Variants in SUPV3L1 observed in about 807,000 individuals in gnomAD.
The protein encoded by SUPV3L1 is ATP-dependent RNA helicase SUPV3L1, mitochondrial.
SUPV3L1 carries 35 observed loss-of-function variants against 70.0 expected under a neutral mutation model. That is an observed-to-expected ratio of 0.50 (90% CI 0.38 to 0.66). SUPV3L1 has a LOEUF of 0.66. Ranked by LOEUF, SUPV3L1 falls within the 30% of genes least tolerant of loss-of-function variation. The probability of loss-of-function intolerance (pLI) is 0.00; values close to 1 mark genes in which losing one functional copy is unlikely to be tolerated. For missense variants in SUPV3L1, 777 were observed against 961.5 expected, an observed-to-expected ratio of 0.81 and a Z score of 2.54; for synonymous variants, 364 against 341.9, an observed-to-expected ratio of 1.06 and a Z score of -0.71.
chr10:69,186,116 G>A (rs1842221431), intron 2 of SUPV3L1, 52 bp downstream of exon 2: 1 of 1,516,948 alleles, frequency 6.6e-7, no homozygotes, highest in Non-Finnish European at 9.1e-7. Flanking sequence ...TTACGGTACA[G>A]CTTGGTCAGG....
At chr10:69,187,554 C>A in intron 3 of SUPV3L1, 88 bp from the exon 4 acceptor site, 1 of 953,162 alleles carries the variant, frequency 1.0e-6, no homozygotes, top group Non-Finnish European at 1.6e-6. Context: ...GCCCCCGCAA[C>A]TTAGCTTGTT....
rs759740138 is a variant in SUPV3L1, at chr10:69,180,483, C to G, written c.192C>G (p.Phe64Leu). ...GGSKIPNTSL[F>L]VPLTVKPQGP... ...CCAAAATACCAAACACGTCCTTGTT[C>G]GTGCCCCTGACTGTGAAACCTCAGG... Residue 64 changes from phenylalanine (F) to leucine (L), a missense_variant, in exon 1 of 15, where the codon TTC becomes TTG. This residue lies in a region of SUPV3L1 where 158 missense variants were observed against 138.3 expected (regional missense o/e 1.14). Transcript: ENST00000359655. 2 of 1,614,244 alleles carry G rather than the reference C, an allele frequency of 1.2e-6. No individual in the cohort carries two copies. Among genetic ancestry groups the G allele is most frequent in the South Asian group, 2.2e-5 (2 of 91,082 alleles).
intron 7 of SUPV3L1, 191 bp downstream of exon 7, chr10:69,195,456 C>A: frequency 2.5e-6 from 1 of 406,326 alleles, no homozygotes; most frequent in Non-Finnish European, 4.3e-6. Context: ...TTTTCCTGTG[C>A]TAAAACTAGC....
chr10:69,202,651 G>A (rs1842715323), intron 12 of SUPV3L1, 132 bp downstream of exon 12: 1 of 1,135,334 alleles, frequency 8.8e-7, no homozygotes, highest in Non-Finnish European at 1.2e-6. Context: ...TTTTACAAGT[G>A]AAAATTTTTT....
Position 69,185,365 on chromosome 10 carries a change from G to A in SUPV3L1, c.272-622G>A, listed in dbSNP as rs563371040. ...GCTCACTGTTTGGATGTGCAGAATC[G>A]TTATAAGTGAATGACAGTGTGGCTC... On this transcript the variant is annotated intron_variant, in intron 1 of 14. Coordinates refer to ENST00000359655, the MANE Select transcript of SUPV3L1 (RefSeq NM_003171.5). Among the ~76,000 whole-genome samples, 285 of 152,290 alleles carry A rather than the reference G, an allele frequency of 1.9e-3. No individual in the cohort carries two copies. In the Middle Eastern group the frequency reaches 0.024, roughly 13 times the overall value.
chr10:69,208,025 T>C, intron 14 of SUPV3L1, 84 bp downstream of exon 14: 1 of 1,511,230 alleles, frequency 6.6e-7, no homozygotes, highest in Non-Finnish European at 9.0e-7. Context: ...CTATTTCAAA[T>C]TATGGACATA....
intron 6 of SUPV3L1, among the ~76,000 whole-genome samples, chr10:69,193,452 GTTT>G (rs11321429): frequency 3.8e-5 from 5 of 131,036 alleles, no homozygotes; most frequent in Non-Finnish European, 4.9e-5. Context: ...TCACGAAGTA[GTTT>G]TTTTTTTTTT....
chr10:69,197,638 C>A (rs1453906434), intron 8 of SUPV3L1, among the ~76,000 whole-genome samples: 2 of 152,128 alleles, frequency 1.3e-5, no homozygotes, highest in Non-Finnish European at 2.9e-5. Flanking sequence ...GGTGCAATCA[C>A]AACTCACTGC....
chr10:69,197,562 A>AATT (rs745306307), intron 8 of SUPV3L1, among the ~76,000 whole-genome samples: 43 of 151,676 alleles, frequency 2.8e-4, no homozygotes, highest in East Asian at 7.7e-4. Flanking sequence ...TAGTAAAATG[A>AATT]ATTATTATTA....
rs1338661880 is a variant in SUPV3L1, at chr10:69,198,398, C to G, written c.1050C>G (p.Pro350=). ...TTCGAGACTATAAGAGGCTTACCCC[C>G]ATTTCTGTGCTGGACCATGCACTAG... ...VEVRDYKRLT[P]ISVLDHALES... is the part of the protein sequence containing the mutation. Residue 350 remains proline (P), a synonymous_variant, in exon 9 of 15, where the codon CCC becomes CCG. Coordinates refer to ENST00000359655, the MANE Select transcript of SUPV3L1 (RefSeq NM_003171.5). 1 of 1,612,206 alleles carries G rather than the reference C, an allele frequency of 6.2e-7. No homozygotes were observed. Among genetic ancestry groups the G allele is most frequent in the African/African-American group, 1.3e-5 (1 of 74,968 alleles).
At chr10:69,182,070 C>T (rs1034668549) in intron 1 of SUPV3L1, among the ~76,000 whole-genome samples, 2 of 150,878 alleles carry the variant, frequency 1.3e-5, no homozygotes, top group African/African-American at 2.4e-5. Flanking sequence ...TCATAGCTCA[C>T]TGTAACCTCC....
intron 13 of SUPV3L1, among the ~76,000 whole-genome samples, chr10:69,206,518 A>T (rs1589392539): frequency 6.6e-6 from 1 of 152,322 alleles, no homozygotes; most frequent in Non-Finnish European, 1.5e-5. Context: ...TAATTCTGGG[A>T]TGCAACATGG....
intron 5 of SUPV3L1, among the ~76,000 whole-genome samples, chr10:69,190,801 G>A (rs1842370505): frequency 6.6e-6 from 1 of 152,200 alleles, no homozygotes; most frequent in Non-Finnish European, 1.5e-5. Flanking sequence ...CAGTTTGGAT[G>A]TGTCTGGTGT....
At chr10:69,208,537 T>C (rs1842895729) in intron 14 of SUPV3L1, 63 bp from the exon 15 acceptor site, 1 of 1,497,284 alleles carries the variant, frequency 6.7e-7, no homozygotes, top group Non-Finnish European at 9.1e-7. Flanking sequence ...GGTGTGCCAT[T>C]GAGAGTTGTC....
intron 9 of SUPV3L1, among the ~76,000 whole-genome samples, chr10:69,198,852 G>C (rs554150902): frequency 2.1e-4 from 32 of 152,280 alleles, no homozygotes; most frequent in Admixed American, 9.2e-4. Flanking sequence ...TTAAGTTGTA[G>C]TCCTGAAATC....
In SUPV3L1 at chr10:69,180,574, A is replaced by AACT. The variant is rs1842026376; in HGVS notation, c.271+16_271+18dup. On this transcript the variant is annotated intron_variant, in intron 1 of 14. Coordinates refer to ENST00000359655, the MANE Select transcript of SUPV3L1 (RefSeq NM_003171.5). ...GCCTCTGGACAAGAGTGAGTGCGGG[A>AACT]ACTACTGAGGGCGGCAGAGGGTGGT... The AACT allele has an allele frequency of 7.4e-6, 12 of 1,612,814 alleles. No homozygotes were observed. Among genetic ancestry groups the AACT allele is most frequent in the Non-Finnish European group, 1.0e-5 (12 of 1,179,576 alleles).
chr10:69,192,355 A>G (rs569869460), intron 6 of SUPV3L1: 2 of 152,406 alleles, frequency 1.3e-5, no homozygotes, highest in African/African-American at 4.8e-5. Flanking sequence ...CTTTTGTTCT[A>G]ACTGGTAACA....
At chr10:69,193,945 A>AGG (rs1842468202) in intron 6 of SUPV3L1, among the ~76,000 whole-genome samples, 1 of 152,204 alleles carries the variant, frequency 6.6e-6, no homozygotes, top group African/African-American at 2.4e-5. Context: ...AAAACCCCTA[A>AGG]GGATGAGCAT....
At chr10:69,187,551 C>A in intron 3 of SUPV3L1, 91 bp from the exon 4 acceptor site, 1 of 896,550 alleles carries the variant, frequency 1.1e-6, no homozygotes, top group Non-Finnish European at 1.7e-6. Context: ...AGTGCCCCCG[C>A]AACTTAGCTT....
Sources: allele counts gnomAD v4.1 joint callset (sites outside exome capture counted in the v4.1 genomes callset), GRCh38; gene constraint gnomAD v4.1.1; regional missense constraint gnomAD v4.1.1; transcripts MANE v1.5; gene names NCBI Gene and HGNC (gene_info 2026-07-23, HGNC 2026-07-21).